Variants in FNIP2 observed in about 807,000 individuals in gnomAD.
The protein encoded by FNIP2 is folliculin interacting protein 2.
Under a neutral mutation model 108.7 loss-of-function variants are expected in FNIP2, and 32 were observed. That is an observed-to-expected ratio of 0.29 (90% CI 0.22 to 0.40). The LOEUF (loss-of-function observed/expected upper bound fraction) is 0.40, where lower values mean the gene tolerates loss of function less well. Ranked by LOEUF, FNIP2 falls within the 10% of genes least tolerant of loss-of-function variation. FNIP2 has a pLI of 1.00. For missense variants in FNIP2, 1,202 were observed against 1,381.6 expected (o/e 0.87, Z 2.06); for synonymous variants, 480 against 496.7 (o/e 0.97, Z 0.45).
At chr4:158,855,109 T>G (rs934919305) in intron 8 of FNIP2, among the ~76,000 whole-genome samples, 10 of 152,252 alleles carry the variant, frequency 6.6e-5, no homozygotes, top group African/African-American at 2.4e-4. Flanking sequence ...AGCAAGGTCT[T>G]GCTTTTGAGC....
intron 1 of FNIP2, among the ~76,000 whole-genome samples, chr4:158,780,991 C>T (rs918206111): frequency 4.1e-4 from 61 of 149,552 alleles, no homozygotes; most frequent in African/African-American, 1.4e-3. Flanking sequence ...GCTGAGATCG[C>T]GCCACCGCAC....
intron 1 of FNIP2, among the ~76,000 whole-genome samples, chr4:158,804,224 G>A (rs1473700484): frequency 1.3e-5 from 2 of 152,048 alleles, no homozygotes; most frequent in Non-Finnish European, 2.9e-5. Flanking sequence ...TTATAGGTGG[G>A]AGCCACCGCA....
At chr4:158,849,801 TAAA>T (rs55717420) in intron 7 of FNIP2, among the ~76,000 whole-genome samples, 3 of 141,694 alleles carry the variant, frequency 2.1e-5, no homozygotes, top group African/African-American at 5.2e-5. Context: ...ACAGTTTGGT[TAAA>T]AAAAAAAAAA....
chr4:158,804,684 T>C (rs1776880744), intron 1 of FNIP2, among the ~76,000 whole-genome samples: 1 of 152,206 alleles, frequency 6.6e-6, no homozygotes, highest in South Asian at 2.1e-4. Context: ...AGCACTGCGA[T>C]TATAGGCTTG....
At chr4:158,866,218 A>ATTTT (rs1261545921) in intron 12 of FNIP2, among the ~76,000 whole-genome samples, 1 of 12,362 alleles carries the variant, frequency 8.1e-5, no homozygotes, top group African/African-American at 1.9e-4. Context: ...TATTCTGGTT[A>ATTTT]TTCTTTTTTT....
At chr4:158,873,997 A>G (rs2126720877) in intron 14 of FNIP2, among the ~76,000 whole-genome samples, 1 of 152,292 alleles carries the variant, frequency 6.6e-6, no homozygotes, top group Admixed American at 6.5e-5. Context: ...AGCTGACTGT[A>G]TACAGGGTTA....
chr4:158,842,558 T>G (rs1450792902), intron 7 of FNIP2, among the ~76,000 whole-genome samples: 1 of 152,170 alleles, frequency 6.6e-6, no homozygotes, highest in Non-Finnish European at 1.5e-5. Context: ...TAGAATAATT[T>G]GACATATAAA....
chr4:158,892,831 T>C (rs1465431817), intron 15 of FNIP2, among the ~76,000 whole-genome samples: 1 of 152,176 alleles, frequency 6.6e-6, no homozygotes, highest in Non-Finnish European at 1.5e-5. Context: ...GCAAACCTGT[T>C]TACCCAACAA....
intron 7 of FNIP2, among the ~76,000 whole-genome samples, chr4:158,843,013 T>G (rs1206038398): frequency 6.6e-6 from 1 of 152,240 alleles, no homozygotes; most frequent in Admixed American, 6.5e-5. Context: ...CCTGTGTTTG[T>G]GTGTTGAGAA....
chr4:158,887,736 CAAAA>C (rs10645281), intron 14 of FNIP2, among the ~76,000 whole-genome samples: 24 of 78,802 alleles, frequency 3.0e-4, no homozygotes, highest in Non-Finnish European at 9.3e-5. Context: ...GACTCTGTCT[CAAAA>C]AAAAAAAAAA....
At chr4:158,870,244 T>A (rs2126708920) in intron 13 of FNIP2, 69 bp from the exon 14 acceptor site, 1 of 1,532,120 alleles carries the variant, frequency 6.5e-7, no homozygotes, top group East Asian at 2.3e-5. Flanking sequence ...GGAGTGCTTG[T>A]ACCAATTATA....
intron 1 of FNIP2, among the ~76,000 whole-genome samples, chr4:158,771,126 G>T (rs1775685262): frequency 6.6e-6 from 1 of 151,734 alleles, no homozygotes; most frequent in African/African-American, 2.4e-5. Flanking sequence ...TCTTTTTTTT[G>T]ACCTCATTGG....
At chr4:158,903,497 C>T (rs1283567951) in intron 16 of FNIP2, among the ~76,000 whole-genome samples, 1 of 152,184 alleles carries the variant, frequency 6.6e-6, no homozygotes, top group Non-Finnish European at 1.5e-5. Context: ...CATCCTTGAC[C>T]CTTACAGGTG....
In FNIP2 at chr4:158,906,460, G is replaced by A. The variant is rs1340261640; in HGVS notation, c.*1916G>A. The A allele has an allele frequency of 1.3e-5, 2 of 152,164 alleles. No homozygotes were observed. The highest frequency in any genetic ancestry group is 4.8e-5 in the African/African-American group (2 of 41,438). The allele number at this position is 152,164 out of a possible 1,614,324, so 9.4% of individuals were successfully genotyped here. ...AATTCTAATGTGGACATAGTGGCAT[G>A]TTCATAATTAGACCCATATAGGGGA... On this transcript the variant is annotated 3_prime_UTR_variant, in exon 17 of 17. Coordinates refer to ENST00000264433, the MANE Select transcript of FNIP2 (RefSeq NM_020840.3).
chr4:158,835,287 C>G (rs1778736563), intron 6 of FNIP2, 118 bp from the exon 7 acceptor site: 1 of 711,494 alleles, frequency 1.4e-6, no homozygotes, highest in African/African-American at 1.8e-5. Context: ...CTATTAAAAG[C>G]TTATGCCAAT....
At chr4:158,806,964 A>G (rs2126492268) in intron 1 of FNIP2, among the ~76,000 whole-genome samples, 1 of 152,322 alleles carries the variant, frequency 6.6e-6, no homozygotes, top group Non-Finnish European at 1.5e-5. Flanking sequence ...TCTAAAAAGA[A>G]TAGCATACTT....
At chr4:158,876,127 G>C (rs1468287880) in intron 14 of FNIP2, among the ~76,000 whole-genome samples, 1 of 152,110 alleles carries the variant, frequency 6.6e-6, no homozygotes, top group Non-Finnish European at 1.5e-5. Flanking sequence ...AAAAAATACT[G>C]ATCTCTGGGT....
At chr4:158,890,776 A>T (rs1213394913) in intron 14 of FNIP2, among the ~76,000 whole-genome samples, 1 of 152,220 alleles carries the variant, frequency 6.6e-6, no homozygotes, top group African/African-American at 2.4e-5. Context: ...AGGTGTTTGT[A>T]CTAAGTCCCA....
chr4:158,842,088 ATTTC>A (rs1263562507), intron 7 of FNIP2, among the ~76,000 whole-genome samples: 6 of 152,248 alleles, frequency 3.9e-5, no homozygotes, highest in African/African-American at 1.4e-4. Flanking sequence ...TCAGTTTCTT[ATTTC>A]TTTATATTTC....
Sources: allele counts gnomAD v4.1 joint callset (sites outside exome capture counted in the v4.1 genomes callset), GRCh38; gene constraint gnomAD v4.1.1; transcripts MANE v1.5; gene names NCBI Gene and HGNC (gene_info 2026-07-23, HGNC 2026-07-21).